THSD4: variants seen among roughly 807,000 people sequenced by gnomAD.
The protein encoded by THSD4 is thrombospondin type 1 domain containing 4.
Under a neutral mutation model 119.0 loss-of-function variants are expected in THSD4, and 69 were observed. That is an observed-to-expected ratio of 0.58 (90% CI 0.48 to 0.71). The LOEUF is 0.71. THSD4 is among the 30% of genes least tolerant of loss of function. THSD4 has a pLI of 0.00. For synonymous variants in THSD4, 524 were observed against 540.4 expected, an observed-to-expected ratio of 0.97 and a Z score of 0.42; for missense variants, 1,393 against 1,391.1, an observed-to-expected ratio of 1.00 and a Z score of -0.02.
chr15:71,533,447 TACA>T (rs1277682334), intron 7 of THSD4, among the ~76,000 whole-genome samples: 2 of 152,314 alleles, frequency 1.3e-5, no homozygotes, highest in East Asian at 1.9e-4. Context: ...CACTAAATAT[TACA>T]ACACCTTAGT....
At chr15:71,239,076 T>C (rs1352965051) in intron 4 of THSD4, among the ~76,000 whole-genome samples, 1 of 149,514 alleles carries the variant, frequency 6.7e-6, no homozygotes, top group East Asian at 1.9e-4. Context: ...ATAGCCAAAC[T>C]AGAGCTTTTC....
chr15:71,438,640 A>G (rs2140549875), intron 7 of THSD4, among the ~76,000 whole-genome samples: 1 of 152,196 alleles, frequency 6.6e-6, no homozygotes, highest in African/African-American at 2.4e-5. Context: ...CCTTGCCCCC[A>G]CTATTTTGAG....
At chr15:71,234,119 C>G (rs956495245) in intron 4 of THSD4, among the ~76,000 whole-genome samples, 2 of 152,338 alleles carry the variant, frequency 1.3e-5, no homozygotes, top group East Asian at 1.9e-4. Context: ...TCCACCCACT[C>G]TCAGGTGGGC....
At chr15:71,633,920 C>T (rs772365479) in intron 7 of THSD4, among the ~76,000 whole-genome samples, 1 of 152,192 alleles carries the variant, frequency 6.6e-6, no homozygotes, top group Non-Finnish European at 1.5e-5. Context: ...GGCACGGTGG[C>T]TCATGCCTGT....
intron 6 of THSD4, among the ~76,000 whole-genome samples, chr15:71,392,198 C>T (rs559383889): frequency 7.2e-5 from 11 of 152,310 alleles, no homozygotes; most frequent in South Asian, 2.1e-4. Flanking sequence ...CAGGGGTTGC[C>T]ACATATTGAT....
At chr15:71,505,886 T>A (rs907571778) in intron 7 of THSD4, among the ~76,000 whole-genome samples, 1 of 152,184 alleles carries the variant, frequency 6.6e-6, no homozygotes, top group Non-Finnish European at 1.5e-5. Context: ...GAAGATCCAG[T>A]TCTTTGTTTT....
At chr15:71,517,405 A>C (rs2048376621) in intron 7 of THSD4, among the ~76,000 whole-genome samples, 1 of 151,964 alleles carries the variant, frequency 6.6e-6, no homozygotes. Flanking sequence ...TCCTAACCTC[A>C]CTTTCATTCT....
chr15:71,372,441 G>A lies in THSD4; in HGVS notation c.1016-39246G>A, dbSNP rs147092494. ...ACTTTTGGTCTTTGATGATGGTGAC[G>A]TACAGATGGGGTTTTGGTGTGGATG... On this transcript the variant is annotated intron_variant, in intron 6 of 17. Transcript: ENST00000261862. 1.8e-4 allele frequency among the ~76,000 whole-genome samples: 28 copies of A among 152,304 alleles called. No homozygotes were observed. The South Asian group carries it at 2.5e-3, about 14-fold the overall frequency.
At chr15:71,244,404 T>G (rs1281302342) in intron 5 of THSD4, among the ~76,000 whole-genome samples, 1 of 152,216 alleles carries the variant, frequency 6.6e-6, no homozygotes, top group Non-Finnish European at 1.5e-5. Flanking sequence ...CTGTTCTATA[T>G]TAGCTTCAAT....
At chr15:71,296,200 C>T (rs999069862) in intron 6 of THSD4, among the ~76,000 whole-genome samples, 9 of 152,160 alleles carry the variant, frequency 5.9e-5, no homozygotes, top group Non-Finnish European at 7.3e-5. Flanking sequence ...CAAATGGTAA[C>T]TCTTATGTGT....
At chr15:71,516,725 A>C (rs960799499) in intron 7 of THSD4, among the ~76,000 whole-genome samples, 1 of 152,184 alleles carries the variant, frequency 6.6e-6, no homozygotes, top group Non-Finnish European at 1.5e-5. Flanking sequence ...TTGCTCTAAG[A>C]ACTCTAGTAA....
At chr15:71,686,112 C>T (rs956328350) in intron 8 of THSD4, among the ~76,000 whole-genome samples, 3 of 151,982 alleles carry the variant, frequency 2.0e-5, no homozygotes, top group Admixed American at 6.6e-5. Flanking sequence ...CCATTTTAAC[C>T]ATTTTAAATG....
At chr15:71,569,886 C>T (rs2049316829) in intron 7 of THSD4, among the ~76,000 whole-genome samples, 1 of 152,152 alleles carries the variant, frequency 6.6e-6, no homozygotes, top group African/African-American at 2.4e-5. Flanking sequence ...TCTAGCTACT[C>T]AGGAGGCTGA....
At chr15:71,659,752 G>A (rs1279076057) in intron 7 of THSD4, among the ~76,000 whole-genome samples, 2 of 152,108 alleles carry the variant, frequency 1.3e-5, no homozygotes, top group African/African-American at 2.4e-5. Context: ...TGGTCCCAAC[G>A]GAAACATGAA....
intron 6 of THSD4, among the ~76,000 whole-genome samples, chr15:71,340,721 T>C (rs2045555424): frequency 6.7e-6 from 1 of 150,320 alleles, no homozygotes; most frequent in Non-Finnish European, 1.5e-5. Context: ...TTCTCCTGCC[T>C]CAACCTCCTG....
intron 13 of THSD4, among the ~76,000 whole-genome samples, chr15:71,748,053 T>A (rs1291164608): frequency 6.6e-6 from 1 of 152,094 alleles, no homozygotes. Context: ...TCAGTGCTGG[T>A]CGGTTGTGTC....
chr15:71,510,903 A>G (rs1482804158), intron 7 of THSD4, among the ~76,000 whole-genome samples: 2 of 152,106 alleles, frequency 1.3e-5, no homozygotes, highest in East Asian at 1.9e-4. Flanking sequence ...ATATAAGAGG[A>G]TGGGTGAGCT....
At chr15:71,599,917 C>T (rs141675096) in intron 7 of THSD4, among the ~76,000 whole-genome samples, 148 of 152,330 alleles carry the variant, frequency 9.7e-4, no homozygotes, top group Non-Finnish European at 1.7e-3. Flanking sequence ...CACAAATCTT[C>T]TCACCAAGAG....
At chr15:71,764,634 A>G (rs138917275) in intron 15 of THSD4, among the ~76,000 whole-genome samples, 15 of 152,334 alleles carry the variant, frequency 9.8e-5, no homozygotes, top group African/African-American at 3.4e-4. Flanking sequence ...AACAGATAAG[A>G]ATGTCAGTTC....
Sources: allele counts gnomAD v4.1 joint callset (sites outside exome capture counted in the v4.1 genomes callset), GRCh38; gene constraint gnomAD v4.1.1; transcripts MANE v1.5; gene names NCBI Gene and HGNC (gene_info 2026-07-23, HGNC 2026-07-21).